DLGAP2: variants seen among roughly 807,000 people sequenced by gnomAD.
DLGAP2 encodes disks large-associated protein 2.
In DLGAP2, 26 loss-of-function variants were observed where a neutral mutation model predicts 100.3. The observed-to-expected ratio is 0.26, with a 90% CI of 0.19 to 0.36. DLGAP2 has a LOEUF of 0.36. Among genes scored for constraint, DLGAP2 ranks in the 10% least tolerant of loss-of-function variants. The pLI is 1.00. For missense variants in DLGAP2, 1,858 were observed against 1,453.2 expected, an observed-to-expected ratio of 1.28 and a Z score of -4.53; for synonymous variants, 886 against 630.1, an observed-to-expected ratio of 1.41 and a Z score of -6.08.
At chr8:1,436,570 C>G (rs996222660) in intron 3 of DLGAP2, among the ~76,000 whole-genome samples, 1 of 152,208 alleles carries the variant, frequency 6.6e-6, no homozygotes, top group Non-Finnish European at 1.5e-5. Flanking sequence ...CAGGTTGACA[C>G]TCCATATTAA....
intron 1 of DLGAP2, among the ~76,000 whole-genome samples, chr8:823,342 A>G (rs970248454): frequency 1.5e-4 from 22 of 150,530 alleles, no homozygotes; most frequent in African/African-American, 4.4e-4. Context: ...ATTATTATTG[A>G]TATCTGCTTT....
chr8:1,493,506 G>A (rs1799453808), intron 3 of DLGAP2, among the ~76,000 whole-genome samples: 1 of 152,202 alleles, frequency 6.6e-6, no homozygotes, highest in African/African-American at 2.4e-5. Context: ...ACAGTTAGAG[G>A]GACGGACCCC....
At chr8:1,032,403 C>T (rs1486856505) in intron 2 of DLGAP2, among the ~76,000 whole-genome samples, 2 of 152,302 alleles carry the variant, frequency 1.3e-5, no homozygotes, top group East Asian at 3.9e-4. Flanking sequence ...GTGGAAGCAT[C>T]CATCTTGAGC....
At chr8:1,058,273 C>G (rs1286964098) in intron 2 of DLGAP2, among the ~76,000 whole-genome samples, 1 of 152,124 alleles carries the variant, frequency 6.6e-6, no homozygotes, top group Non-Finnish European at 1.5e-5. Flanking sequence ...GGAGATGTTG[C>G]TTTACAAATA....
At chr8:850,875 G>A (rs993335632) in intron 1 of DLGAP2, among the ~76,000 whole-genome samples, 6 of 151,804 alleles carry the variant, frequency 4.0e-5, no homozygotes, top group African/African-American at 1.2e-4. Flanking sequence ...GTAAAGTTTG[G>A]TAACAAATTT....
At chr8:1,372,824 G>A (rs73170496) in intron 3 of DLGAP2, among the ~76,000 whole-genome samples, 56,523 of 152,040 alleles carry the variant, frequency 0.37, 10,681 homozygotes, top group Middle Eastern at 0.44. Flanking sequence ...GTTAGATACA[G>A]CCACATCAAA....
chr8:967,813 C>T (rs1799911185), intron 2 of DLGAP2, among the ~76,000 whole-genome samples: 1 of 31,776 alleles, frequency 3.1e-5, no homozygotes, highest in Non-Finnish European at 5.4e-5. Context: ...TTGTTGAACA[C>T]CACTATATAT....
chr8:1,041,500 G>T (rs1802345533), intron 2 of DLGAP2, among the ~76,000 whole-genome samples: 2 of 152,150 alleles, frequency 1.3e-5, no homozygotes, highest in African/African-American at 4.8e-5. Context: ...TGTTTCTCCT[G>T]TTTCTGAGAA....
At chr8:1,368,198 A>C (rs1437864723) in intron 3 of DLGAP2, among the ~76,000 whole-genome samples, 1 of 151,774 alleles carries the variant, frequency 6.6e-6, no homozygotes, top group Non-Finnish European at 1.5e-5. Context: ...ACGTGTGTGT[A>C]CGTGTGTGTC....
intron 1 of DLGAP2, among the ~76,000 whole-genome samples, chr8:858,069 C>G (rs1179312277): frequency 1.3e-5 from 2 of 152,130 alleles, no homozygotes; most frequent in South Asian, 2.1e-4. Flanking sequence ...GTTGGCCAGG[C>G]TGGTCTTGAA....
At chr8:1,526,554 T>C (rs1800799693) in intron 4 of DLGAP2, among the ~76,000 whole-genome samples, 1 of 152,210 alleles carries the variant, frequency 6.6e-6, no homozygotes, top group African/African-American at 2.4e-5. Context: ...AAAGCTGGTT[T>C]GTTCTCATAG....
chr8:1,040,560 G>A (rs187795742), intron 2 of DLGAP2, among the ~76,000 whole-genome samples: 28 of 138,722 alleles, frequency 2.0e-4, no homozygotes, highest in Admixed American at 5.6e-4. Context: ...GGCTCGGTGC[G>A]TGTGGTCGGC....
At chr8:1,616,276 G>A (rs976149908) in intron 6 of DLGAP2, among the ~76,000 whole-genome samples, 1 of 152,056 alleles carries the variant, frequency 6.6e-6, no homozygotes, top group South Asian at 2.1e-4. Context: ...GAAGTGAAGG[G>A]ACACACATAT....
At chr8:1,469,173 G>A (rs1413432809) in intron 3 of DLGAP2, among the ~76,000 whole-genome samples, 1 of 152,226 alleles carries the variant, frequency 6.6e-6, no homozygotes, top group African/African-American at 2.4e-5. Context: ...CCTAAAAGCT[G>A]TGGCAGATCC....
At chr8:1,136,224 C>T (rs1294788577) in intron 2 of DLGAP2, among the ~76,000 whole-genome samples, 8 of 152,090 alleles carry the variant, frequency 5.3e-5, no homozygotes, top group African/African-American at 1.9e-4. Context: ...CCCTTAGGCA[C>T]ATGAGTTGGG....
intron 2 of DLGAP2, among the ~76,000 whole-genome samples, chr8:1,165,320 C>T (rs541832905): frequency 5.9e-5 from 9 of 152,106 alleles, no homozygotes; most frequent in Middle Eastern, 6.8e-3. Context: ...AGAGAGCACG[C>T]GCATACAGCA....
In DLGAP2 at chr8:759,076, CCCCCACAG is replaced by C. The variant is rs1478851852; in HGVS notation, c.18+21254_18+21261del. Among the ~76,000 whole-genome samples, 90 of 71,412 alleles carry C rather than the reference CCCCCACAG, an allele frequency of 1.3e-3. 2 individuals carry two copies. The highest frequency in any genetic ancestry group is 3.5e-3 in the African/African-American group (84 of 24,060). The allele number at this position is 71,412 out of a possible 152,430, so 46.8% of individuals were successfully genotyped here. On this transcript the variant is annotated intron_variant, in intron 1 of 14. Transcript: ENST00000637795. Reference sequence around the variant, plus strand: ...CCCACAACCTTCCCATTATCAATACCCCCCACAGCCTTCCTGTTATCAATACCCCCGAC... The same window carrying C: ...CCCACAACCTTCCCATTATCAATACCCCTTCCTGTTATCAATACCCCCGAC...
At chr8:1,219,306 T>A (rs1485339262) in intron 2 of DLGAP2, among the ~76,000 whole-genome samples, 3 of 152,310 alleles carry the variant, frequency 2.0e-5, no homozygotes, top group Non-Finnish European at 4.4e-5. Context: ...ATGACTAGTT[T>A]GTGAGGGTTT....
intron 1 of DLGAP2, among the ~76,000 whole-genome samples, chr8:798,824 G>A (rs548978323): frequency 6.0e-5 from 9 of 148,822 alleles, no homozygotes; most frequent in East Asian, 4.1e-4. Flanking sequence ...GCCTGCTTCC[G>A]TTGGCGCTGA....
Sources: allele counts gnomAD v4.1 joint callset (sites outside exome capture counted in the v4.1 genomes callset), GRCh38; gene constraint gnomAD v4.1.1; transcripts MANE v1.5; gene names NCBI Gene and HGNC (gene_info 2026-07-23, HGNC 2026-07-21).